ZNF804A: variants seen among roughly 807,000 people sequenced by gnomAD.
The protein encoded by ZNF804A is zinc finger protein 804A.
Under a neutral mutation model 16.5 loss-of-function variants are expected in ZNF804A, and 2 were observed. The ratio of observed to expected loss-of-function variants is 0.12; its 90% CI spans 0.05 to 0.38. The LOEUF is 0.38. Ranked by LOEUF, ZNF804A falls within the 10% of genes least tolerant of loss-of-function variation. The probability of loss-of-function intolerance (pLI) is 0.99; values close to 1 mark genes in which losing one functional copy is unlikely to be tolerated. For missense variants in ZNF804A, 1,473 were observed against 1,390.7 expected, an observed-to-expected ratio of 1.06 and a Z score of -0.94; for synonymous variants, 534 against 489.6, an observed-to-expected ratio of 1.09 and a Z score of -1.20.
At chr2:184,778,775 G>A (rs2105772564) in intron 1 of ZNF804A, among the ~76,000 whole-genome samples, 1 of 151,646 alleles carries the variant, frequency 6.6e-6, no homozygotes, top group South Asian at 2.1e-4. Flanking sequence ...GATGTTGGAG[G>A]TACAGAGGAA....
chr2:184,853,613 G>T (rs909340745), intron 1 of ZNF804A, among the ~76,000 whole-genome samples: 7 of 151,204 alleles, frequency 4.6e-5, no homozygotes, highest in African/African-American at 1.7e-4. Flanking sequence ...AGAGGATGTT[G>T]AGTTTAGTTA....
chr2:184,880,768 C>A (rs943565939), intron 2 of ZNF804A, among the ~76,000 whole-genome samples: 9 of 152,072 alleles, frequency 5.9e-5, no homozygotes, highest in African/African-American at 1.9e-4. Context: ...CTGTGTCATC[C>A]CATGGTGGAA....
At chr2:184,921,819 T>A (rs1454210194) in intron 2 of ZNF804A, among the ~76,000 whole-genome samples, 1 of 152,004 alleles carries the variant, frequency 6.6e-6, no homozygotes, top group African/African-American at 2.4e-5. Flanking sequence ...CTACTCTCCA[T>A]CTCCGTGAGT....
At chr2:184,788,087 G>T (rs980603910) in intron 1 of ZNF804A, among the ~76,000 whole-genome samples, 8 of 151,782 alleles carry the variant, frequency 5.3e-5, no homozygotes, top group Non-Finnish European at 1.0e-4. Flanking sequence ...ACCATTTATT[G>T]AGTACGGTGT....
At chr2:184,759,016 T>A (rs1694000860) in intron 1 of ZNF804A, among the ~76,000 whole-genome samples, 1 of 151,704 alleles carries the variant, frequency 6.6e-6, no homozygotes, top group African/African-American at 2.4e-5. Flanking sequence ...TATCATATAT[T>A]TATGTTATAT....
chr2:184,719,425 G>C (rs1693269212), intron 1 of ZNF804A, among the ~76,000 whole-genome samples: 1 of 152,096 alleles, frequency 6.6e-6, no homozygotes, highest in South Asian at 2.1e-4. Flanking sequence ...TCTGCAGCTG[G>C]CTGGAATTTC....
chr2:184,704,476 A>C (rs912608945), intron 1 of ZNF804A, among the ~76,000 whole-genome samples: 1 of 152,224 alleles, frequency 6.6e-6, no homozygotes, highest in Non-Finnish European at 1.5e-5. Context: ...CAACAGAGAA[A>C]TAGGAAGGAC....
chr2:184,715,366 G>A (rs1029502198), intron 1 of ZNF804A, among the ~76,000 whole-genome samples: 9 of 152,018 alleles, frequency 5.9e-5, no homozygotes, highest in Non-Finnish European at 1.2e-4. Flanking sequence ...CTTACTCTAA[G>A]AATAATAAAA....
At chr2:184,765,138 G>T (rs1694098700) in intron 1 of ZNF804A, among the ~76,000 whole-genome samples, 1 of 152,096 alleles carries the variant, frequency 6.6e-6, no homozygotes, top group Non-Finnish European at 1.5e-5. Flanking sequence ...ATATAGTTTT[G>T]CTGGTGACAT....
At chr2:184,709,378 TTAA>T (rs1159004686) in intron 1 of ZNF804A, among the ~76,000 whole-genome samples, 48 of 152,234 alleles carry the variant, frequency 3.2e-4, no homozygotes, top group African/African-American at 1.2e-3. Context: ...TTTATATACT[TTAA>T]TATAGAAAAT....
intron 2 of ZNF804A, among the ~76,000 whole-genome samples, chr2:184,884,958 G>T (rs2105819384): frequency 6.6e-6 from 1 of 152,226 alleles, no homozygotes; most frequent in African/African-American, 2.4e-5. Flanking sequence ...TCTGAAAACA[G>T]TCTAATATCC....
At position 184,685,176 on chromosome 2, in the gene ZNF804A, A is replaced by G. The variant is rs905123234; in HGVS notation, c.111+86106A>G. Among the ~76,000 whole-genome samples the G allele has an allele frequency of 5.9e-5, 9 of 152,184 alleles. No homozygotes were observed. The South Asian group carries it at 1.9e-3, about 32-fold the overall frequency. On this transcript the variant is annotated intron_variant, in intron 1 of 3. Coordinates refer to ENST00000302277, the MANE Select transcript of ZNF804A (RefSeq NM_194250.2). ...GGCAGGCAGCTCCAGGCTCTGGCATAGGTGCTGGCTTCGTGTGAGGTTGTA... is the reference window on the plus strand; with the variant it reads ...GGCAGGCAGCTCCAGGCTCTGGCATGGGTGCTGGCTTCGTGTGAGGTTGTA...
chr2:184,650,207 G>T (rs1047107627), intron 1 of ZNF804A, among the ~76,000 whole-genome samples: 1 of 151,938 alleles, frequency 6.6e-6, no homozygotes, highest in Non-Finnish European at 1.5e-5. Context: ...AAAACCAAAA[G>T]GCGTAAGATC....
At chr2:184,676,399 T>A (rs1692436354) in intron 1 of ZNF804A, among the ~76,000 whole-genome samples, 1 of 151,330 alleles carries the variant, frequency 6.6e-6, no homozygotes, top group Non-Finnish European at 1.5e-5. Context: ...ACACACACAC[T>A]CTATTCTGGA....
At chr2:184,842,367 G>T (rs916609815) in intron 1 of ZNF804A, among the ~76,000 whole-genome samples, 1 of 152,144 alleles carries the variant, frequency 6.6e-6, no homozygotes, top group Non-Finnish European at 1.5e-5. Context: ...CAAAGCATCT[G>T]GGGAACCCCT....
chr2:184,728,579 G>T (rs1179800858), intron 1 of ZNF804A, among the ~76,000 whole-genome samples: 2 of 151,896 alleles, frequency 1.3e-5, no homozygotes, highest in African/African-American at 4.8e-5. Context: ...CTGACAGACT[G>T]TCTGAAGATG....
At chr2:184,720,320 T>C (rs2105741907) in intron 1 of ZNF804A, among the ~76,000 whole-genome samples, 1 of 152,356 alleles carries the variant, frequency 6.6e-6, no homozygotes, top group Middle Eastern at 3.4e-3. Context: ...GAAATTTATA[T>C]TGTTCCTTTT....
chr2:184,822,975 G>A (rs1408678123), intron 1 of ZNF804A, among the ~76,000 whole-genome samples: 1 of 152,044 alleles, frequency 6.6e-6, no homozygotes. Flanking sequence ...TGTTTCAGAA[G>A]AGCCAAATAA....
intron 1 of ZNF804A, among the ~76,000 whole-genome samples, chr2:184,771,368 G>A (rs1694209994): frequency 6.6e-6 from 1 of 151,882 alleles, no homozygotes; most frequent in African/African-American, 2.4e-5. Flanking sequence ...CACAGTTTCT[G>A]TACGTCAGGT....
Sources: allele counts gnomAD v4.1 joint callset (sites outside exome capture counted in the v4.1 genomes callset), GRCh38; gene constraint gnomAD v4.1.1; transcripts MANE v1.5; gene names NCBI Gene and HGNC (gene_info 2026-07-23, HGNC 2026-07-21).